The following CNTN5 variants were observed in gnomAD, a reference collection of about 807,000 sequenced individuals.
CNTN5 encodes contactin-5.
In CNTN5, 77 loss-of-function variants were observed where a neutral mutation model predicts 129.1. The ratio of observed to expected loss-of-function variants is 0.60; its 90% confidence interval spans 0.50 to 0.72. The LOEUF (loss-of-function observed/expected upper bound fraction) is 0.72, where lower values mean the gene tolerates loss of function less well. Among genes scored for constraint, CNTN5 ranks in the 30% least tolerant of loss-of-function variants. The pLI is 0.00. For missense variants in CNTN5, 1,478 were observed against 1,328.8 expected (o/e 1.11, Z -1.75); for synonymous variants, 509 against 465.6 (o/e 1.09, Z -1.20).
chr11:99,955,184 A>G (rs1950769376), intron 7 of CNTN5, among the ~76,000 whole-genome samples: 1 of 151,032 alleles, frequency 6.6e-6, no homozygotes, highest in Non-Finnish European at 1.5e-5. Flanking sequence ...ATATTAAAAA[A>G]TATATGAATT....
At chr11:99,058,203 C>G (rs1864716739) in intron 1 of CNTN5, among the ~76,000 whole-genome samples, 2 of 151,986 alleles carry the variant, frequency 1.3e-5, no homozygotes, top group African/African-American at 4.8e-5. Flanking sequence ...TTTCTTCTGA[C>G]TGAGTAGCTC....
At chr11:99,109,009 T>C (rs1176228249) in intron 1 of CNTN5, among the ~76,000 whole-genome samples, 1 of 151,784 alleles carries the variant, frequency 6.6e-6, no homozygotes, top group African/African-American at 2.4e-5. Flanking sequence ...TAAATGTAGA[T>C]ACACATATAC....
chr11:100,145,018 T>TAGGGATAG (rs1287084742), intron 13 of CNTN5, among the ~76,000 whole-genome samples: 1 of 152,096 alleles, frequency 6.6e-6, no homozygotes. Context: ...TTAGAGACCT[T>TAGGGATAG]TCCATTGGGG....
At chr11:99,173,227 A>T (rs1474088280) in intron 1 of CNTN5, among the ~76,000 whole-genome samples, 6 of 152,134 alleles carry the variant, frequency 3.9e-5, no homozygotes, top group Non-Finnish European at 7.3e-5. Context: ...AACCATATCA[A>T]TTTTCCCTCA....
At chr11:99,608,228 C>A (rs1284648792) in intron 3 of CNTN5, among the ~76,000 whole-genome samples, 3 of 151,962 alleles carry the variant, frequency 2.0e-5, no homozygotes, top group Non-Finnish European at 4.4e-5. Flanking sequence ...ATGTGTTGTC[C>A]CATCTATGCT....
At chr11:99,853,118 C>T (rs1356319510) in intron 6 of CNTN5, among the ~76,000 whole-genome samples, 2 of 151,974 alleles carry the variant, frequency 1.3e-5, no homozygotes, top group African/African-American at 4.8e-5. Context: ...CATTTCATTC[C>T]ACAGTAAAAT....
At chr11:99,353,641 A>G (rs887687940) in intron 2 of CNTN5, among the ~76,000 whole-genome samples, 22 of 152,336 alleles carry the variant, frequency 1.4e-4, no homozygotes, top group Middle Eastern at 3.4e-3. Context: ...GGCCTCCTTC[A>G]CACAGGCTTA....
At chr11:99,962,362 G>C (rs767416873) in intron 8 of CNTN5, among the ~76,000 whole-genome samples, 6 of 143,022 alleles carry the variant, frequency 4.2e-5, no homozygotes, top group African/African-American at 1.5e-4. Flanking sequence ...CTGTGTCCAT[G>C]TGTTCTCATT....
At chr11:99,536,638 A>C (rs1276353821) in intron 2 of CNTN5, among the ~76,000 whole-genome samples, 4 of 152,230 alleles carry the variant, frequency 2.6e-5, no homozygotes, top group Admixed American at 1.3e-4. Context: ...GAACCAAGTG[A>C]TGATAACACT....
At chr11:99,454,570 C>T (rs920348824) in intron 2 of CNTN5, among the ~76,000 whole-genome samples, 3 of 152,116 alleles carry the variant, frequency 2.0e-5, no homozygotes, top group Admixed American at 2.0e-4. Context: ...TAGTCCAACG[C>T]TTTACCTCCG....
intron 2 of CNTN5, among the ~76,000 whole-genome samples, chr11:99,436,525 T>C (rs1030561555): frequency 1.3e-5 from 2 of 152,162 alleles, no homozygotes; most frequent in Non-Finnish European, 2.9e-5. Flanking sequence ...CCCCATCTTG[T>C]ATCTATTCTT....
At chr11:100,099,880 T>A (rs1945160415) in intron 13 of CNTN5, among the ~76,000 whole-genome samples, 3 of 152,068 alleles carry the variant, frequency 2.0e-5, no homozygotes, top group Admixed American at 6.6e-5. Flanking sequence ...TTTAGTATAA[T>A]CTTCCATATC....
At chr11:99,819,437 G>A (rs1446824563) in intron 3 of CNTN5, 107 bp from the exon 4 acceptor site, 4 of 893,456 alleles carry the variant, frequency 4.5e-6, no homozygotes, top group Non-Finnish European at 6.9e-6. Flanking sequence ...TTTGCTTGCA[G>A]CTCCAAAGAA....
intron 3 of CNTN5, among the ~76,000 whole-genome samples, chr11:99,739,406 G>C (rs1442128654): frequency 6.6e-6 from 1 of 152,004 alleles, no homozygotes; most frequent in African/African-American, 2.4e-5. Context: ...TTAACTTCAA[G>C]ACAGATTGTA....
At chr11:99,734,793 A>C (rs1227140577) in intron 3 of CNTN5, among the ~76,000 whole-genome samples, 1 of 151,252 alleles carries the variant, frequency 6.6e-6, no homozygotes, top group Non-Finnish European at 1.5e-5. Flanking sequence ...AAAGCTACCT[A>C]TACAATAGTC....
At chr11:99,199,862 C>T (rs1859082526) in intron 1 of CNTN5, among the ~76,000 whole-genome samples, 1 of 152,160 alleles carries the variant, frequency 6.6e-6, no homozygotes, top group Admixed American at 6.5e-5. Flanking sequence ...CAGTCTTCCA[C>T]ATTCTACTTT....
intron 13 of CNTN5, among the ~76,000 whole-genome samples, chr11:100,171,389 G>T (rs529763091): frequency 2.0e-5 from 3 of 151,904 alleles, no homozygotes; most frequent in Non-Finnish European, 2.9e-5. Flanking sequence ...AAAAGAACAC[G>T]CAAAAATCTC....
intron 1 of CNTN5, among the ~76,000 whole-genome samples, chr11:99,103,379 C>T (rs911912806): frequency 6.6e-6 from 1 of 152,266 alleles, no homozygotes. Context: ...CTCTTCTCAC[C>T]CCTATGCCAT....
At chr11:99,562,951 C>T (rs1452841713) in intron 3 of CNTN5, among the ~76,000 whole-genome samples, 4 of 152,100 alleles carry the variant, frequency 2.6e-5, no homozygotes, top group Admixed American at 6.5e-5. Context: ...TTCATTCTTG[C>T]ATGGATGACA....
Sources: allele counts gnomAD v4.1 joint callset (sites outside exome capture counted in the v4.1 genomes callset), GRCh38; gene constraint gnomAD v4.1.1; transcripts MANE v1.5; gene names NCBI Gene and HGNC (gene_info 2026-07-23, HGNC 2026-07-21).